Variants in MVB12B observed in about 807,000 individuals in gnomAD.
MVB12B encodes the protein ESCRT-I complex subunit MVB12B.
MVB12B carries 16 observed loss-of-function variants against 41.6 expected under a neutral mutation model. That is an observed-to-expected ratio of 0.38 (90% CI 0.26 to 0.58). The LOEUF (loss-of-function observed/expected upper bound fraction) is 0.58. Ranked by LOEUF, MVB12B falls within the 20% of genes least tolerant of loss-of-function variation. The pLI, the probability that MVB12B is intolerant of heterozygous loss-of-function variation, is 0.62. For missense variants in MVB12B, 274 were observed against 380.2 expected, an observed-to-expected ratio of 0.72 and a Z score of 2.32; for synonymous variants, 133 against 139.7, an observed-to-expected ratio of 0.95 and a Z score of 0.34.
chr9:126,487,685 T>G (rs1833648278), intron 9 of MVB12B, among the ~76,000 whole-genome samples: 1 of 150,512 alleles, frequency 6.6e-6, no homozygotes, highest in African/African-American at 2.5e-5. Context: ...AGAAATCACT[T>G]GAGCCCAGGA....
intron 7 of MVB12B, among the ~76,000 whole-genome samples, chr9:126,430,982 T>G (rs1268556946): frequency 1.3e-5 from 2 of 152,182 alleles, no homozygotes; most frequent in Admixed American, 1.3e-4. Context: ...CAGGAAGCAG[T>G]GTAGGAATGT....
chr9:126,501,766 T>G (rs1833963438), intron 9 of MVB12B, among the ~76,000 whole-genome samples: 1 of 152,190 alleles, frequency 6.6e-6, no homozygotes, highest in Non-Finnish European at 1.5e-5. Context: ...GGCTCAGCCC[T>G]GCGGCCCTCC....
chr9:126,347,357 T>C (rs1230757), intron 2 of MVB12B, among the ~76,000 whole-genome samples: 151,668 of 152,340 alleles, frequency 1, 75,506 homozygotes, highest in Middle Eastern at 1. Context: ...TTGCTGCTCC[T>C]GCCTCCCCCC....
rs574819687 is a variant in MVB12B, at chr9:126,386,738, A to G, written c.409+80A>G. 1.9e-6 allele frequency: 2 copies of G among 1,061,248 alleles called. No individual in the cohort carries two copies. The highest frequency in any genetic ancestry group is 5.0e-5 in the East Asian group (2 of 39,986). The allele number at this position is 1,061,248 out of a possible 1,614,324, so 65.7% of individuals were successfully genotyped here. On this transcript the variant is annotated intron_variant, in intron 4 of 9. Transcript: ENST00000361171. This position sits in a 1 kb window ranked among gnomAD's most constrained non-coding sequence, Gnocchi z 4.3. ...TATTTGTAGGTGTTTTTCTATGTGC[A>G]TTTTTCTTCAGAAACACTTTTGGAG...
intron 9 of MVB12B, among the ~76,000 whole-genome samples, chr9:126,487,666 G>A (rs940318258): frequency 4.6e-5 from 7 of 151,340 alleles, no homozygotes; most frequent in Non-Finnish European, 8.8e-5. Context: ...TCAGGCGGCT[G>A]AAGCAGATAG....
chr9:126,397,300 A>G, intron 6 of MVB12B: 1 of 985,502 alleles, frequency 1.0e-6, no homozygotes, highest in Non-Finnish European at 1.2e-6. Flanking sequence ...GAGAGCTCTC[A>G]GAAGCCTGCT....
intron 9 of MVB12B, 122 bp downstream of exon 9, chr9:126,484,154 T>C (rs1404109611): frequency 2.4e-5 from 21 of 884,166 alleles, no homozygotes; most frequent in Non-Finnish European, 3.7e-5. Flanking sequence ...TTCCGTTCTC[T>C]TCTGAGAAAA....
chr9:126,460,356 A>C (rs1833064268), intron 7 of MVB12B, among the ~76,000 whole-genome samples: 1 of 152,158 alleles, frequency 6.6e-6, no homozygotes, highest in African/African-American at 2.4e-5. Context: ...CGCCAAACTA[A>C]ACTTCTGGCT....
At chr9:126,372,176 G>A (rs1416353021) in intron 2 of MVB12B, among the ~76,000 whole-genome samples, 3 of 152,148 alleles carry the variant, frequency 2.0e-5, no homozygotes, top group Non-Finnish European at 4.4e-5. Context: ...TTAGCAAACT[G>A]TTTTCAGGGT....
chr9:126,406,795 G>A (rs925805381), intron 6 of MVB12B, among the ~76,000 whole-genome samples: 1 of 151,714 alleles, frequency 6.6e-6, no homozygotes, highest in Non-Finnish European at 1.5e-5. Context: ...GATTTGGAGT[G>A]TTGCTGTGGC....
intron 1 of MVB12B, chr9:126,335,344 G>A (rs1829244735): frequency 7.7e-7 from 1 of 1,304,186 alleles, no homozygotes; most frequent in Non-Finnish European, 1.0e-6. Context: ...TGGCCCCAAA[G>A]CCAGCTGCCC....
Position 126,397,692 on chromosome 9 carries a change from A to G in MVB12B, c.662+1995A>G, listed in dbSNP as rs1330831098. On this transcript the variant is annotated intron_variant, in intron 6 of 9. Transcript: ENST00000361171. ...ATGCACACCTATGTAAGCCTCATCC[A>G]TCAGGGTTTTTTGGTTTTTGTGGGG... 8.2e-6 allele frequency: 8 copies of G among 970,416 alleles called. No homozygotes were observed. The Admixed American group carries it at 2.5e-4, about 30-fold the overall frequency. The allele number at this position is 970,416 out of a possible 1,614,324, so 60.1% of individuals were successfully genotyped here.
At chr9:126,380,677 C>T (rs1462834602) in intron 2 of MVB12B, among the ~76,000 whole-genome samples, 5 of 152,202 alleles carry the variant, frequency 3.3e-5, no homozygotes, top group African/African-American at 1.2e-4. Flanking sequence ...AGGCAGCGCC[C>T]CCTCAGGTGG....
At chr9:126,416,190 C>T (rs1831818243) in intron 6 of MVB12B, among the ~76,000 whole-genome samples, 1 of 152,138 alleles carries the variant, frequency 6.6e-6, no homozygotes, top group Non-Finnish European at 1.5e-5. Flanking sequence ...TAAAATAATG[C>T]CGGGGTGGCA....
chr9:126,406,842 T>C (rs949935657), intron 6 of MVB12B, among the ~76,000 whole-genome samples: 8 of 152,188 alleles, frequency 5.3e-5, no homozygotes, highest in Admixed American at 2.6e-4. Context: ...CTTTTTTTTT[T>C]TATTAAGTAA....
intron 6 of MVB12B, among the ~76,000 whole-genome samples, chr9:126,415,531 G>A (rs183559422): frequency 2.4e-4 from 36 of 152,210 alleles, no homozygotes; most frequent in East Asian, 9.6e-4. Context: ...TATTGTTTAC[G>A]TAAAAATATC....
chr9:126,391,723 C>T lies in MVB12B; in HGVS notation c.410-343C>T, dbSNP rs374422642. ...TTCTGTAATAAAAAGAAAAGAAGTC[C>T]GTGTGGTGAAATGTGTTAATGCTCA... On this transcript the variant is annotated intron_variant, in intron 4 of 9. Transcript: ENST00000361171. This position sits in a 1 kb window ranked among gnomAD's most constrained non-coding sequence, Gnocchi z 4.4. Among the ~76,000 whole-genome samples, 1 of 152,116 alleles carries T rather than the reference C, an allele frequency of 6.6e-6. No individual in the cohort carries two copies. Among genetic ancestry groups the T allele is most frequent in the Non-Finnish European group, 1.5e-5 (1 of 68,024 alleles).
At chr9:126,413,350 G>C (rs1302322044) in intron 6 of MVB12B, among the ~76,000 whole-genome samples, 3 of 152,046 alleles carry the variant, frequency 2.0e-5, no homozygotes, top group African/African-American at 7.2e-5. Context: ...CTGTGGAGTA[G>C]GGGGGGTCTC....
At chr9:126,341,024 T>C (rs1478526086) in intron 2 of MVB12B, among the ~76,000 whole-genome samples, 1 of 152,222 alleles carries the variant, frequency 6.6e-6, no homozygotes, top group Non-Finnish European at 1.5e-5. Context: ...CAGTTTAAAA[T>C]GTTTCCTACC....
Sources: allele counts gnomAD v4.1 joint callset (sites outside exome capture counted in the v4.1 genomes callset), GRCh38; gene constraint gnomAD v4.1.1; non-coding constraint Gnocchi (gnomAD v3.1); transcripts MANE v1.5; gene names NCBI Gene and HGNC (gene_info 2026-07-23, HGNC 2026-07-21).